C5: variants seen among roughly 807,000 people sequenced by gnomAD.
C5 encodes the protein complement C5, also known as C3 and PZP-like alpha-2-macroglobulin domain-containing protein 4.
C5 carries 140 observed loss-of-function variants against 218.8 expected under a neutral mutation model. That is an observed-to-expected ratio of 0.64 (90% CI 0.56 to 0.74). The LOEUF (loss-of-function observed/expected upper bound fraction) is 0.74. Among genes scored for constraint, C5 ranks in the 30% least tolerant of loss-of-function variants. The pLI is 0.00. For synonymous variants in C5, 614 were observed against 682.3 expected (o/e 0.90, Z 1.56); for missense variants, 1,700 against 1,969.6 (o/e 0.86, Z 2.59).
the C5 span, among the ~76,000 whole-genome samples, chr9:121,061,534 C>A: frequency 3.3e-5 from 5 of 152,278 alleles, no homozygotes; most frequent in South Asian, 4.1e-4. Context: ...GGCTACAGAG[C>A]AAGACTGTCT....
the C5 span, among the ~76,000 whole-genome samples, chr9:121,069,291 C>A: frequency 2.3e-3 from 349 of 152,180 alleles, 4 homozygotes; most frequent in African/African-American, 8.1e-3. Flanking sequence ...GGAACTCAAA[C>A]ATCTCAACAA....
upstream of C5, chr9:121,050,425 G>A (rs2047663498): frequency 3.2e-6 from 2 of 626,534 alleles, no homozygotes; most frequent in African/African-American, 3.7e-5. Flanking sequence ...AATACAGATA[G>A]GGAGTACTTT....
intron 1 of C5, among the ~76,000 whole-genome samples, chr9:121,049,899 A>G (rs752986466): frequency 1.2e-4 from 18 of 152,172 alleles, no homozygotes; most frequent in Non-Finnish European, 2.5e-4. Flanking sequence ...AAATGTCAAG[A>G]AAGTTTATTA....
At position 121,006,917 on chromosome 9, in the gene C5, G is replaced by A; in HGVS notation, c.2409C>T (p.Gly803=). The change falls in exon 19 of 41, where the codon GGC becomes GGT. Residue 803 remains glycine (G), a synonymous_variant. Transcript: ENST00000223642. ...SLTTWEIQGV[G]ISNTGICVAD... Reference sequence around the variant, plus strand: ...AAACCTGCTTACCAGTGTTTGAAATGCCAACGCCTTGAATTTCCCAGGTGG... The same window carrying A: ...AAACCTGCTTACCAGTGTTTGAAATACCAACGCCTTGAATTTCCCAGGTGG... 6.2e-7 allele frequency: 1 copy of A among 1,607,698 alleles called. No homozygotes were observed. The highest frequency in any genetic ancestry group is 1.1e-5 in the South Asian group (1 of 90,880).
At chr9:120,978,720 C>T (rs116464517) in intron 28 of C5, among the ~76,000 whole-genome samples, 234 of 152,294 alleles carry the variant, frequency 1.5e-3, no homozygotes, top group African/African-American at 4.9e-3. Context: ...TTTTTTGTCT[C>T]TTGACCTATA....
At chr9:121,065,467 T>G in the C5 span, among the ~76,000 whole-genome samples, 1 of 140,508 alleles carries the variant, frequency 7.1e-6, no homozygotes, top group African/African-American at 2.5e-5. Flanking sequence ...CTTTTTTTGT[T>G]TTGTTTTGTT....
At position 120,952,747 on chromosome 9, in the gene C5, C is replaced by T; in HGVS notation, c.5023G>A (p.Gly1675Arg). 1 of 1,612,804 alleles carries T rather than the reference C, an allele frequency of 6.2e-7. No homozygotes were observed. The highest frequency in any genetic ancestry group is 8.5e-7 in the Non-Finnish European group (1 of 1,179,524). Residue 1675 changes from glycine to arginine, a missense_variant, in exon 41 of 41, where the codon GGA becomes AGA. By Grantham distance (125) the Gly-to-Arg change is moderately radical. Coordinates refer to ENST00000223642, the MANE Select transcript of C5 (RefSeq NM_001735.3). ...DEFAEDIFLN[G>R]C ...GCTGAACTTCAGGAATTTTAGCATC[C>T]ATTTAAAAAGATATCTTCGGCAAAT...
chr9:121,060,900 G>C, the C5 span, among the ~76,000 whole-genome samples: 1 of 152,116 alleles, frequency 6.6e-6, no homozygotes, highest in Admixed American at 6.6e-5. Flanking sequence ...AAAAATCCCA[G>C]AATCAGGTCG....
chr9:121,011,825 A>T lies in C5; in HGVS notation c.2257+2048T>A, dbSNP rs148933300. ...AGAATGAGATCCTGTCATTTGCAAC[A>T]ATATGGATGGAACTGGAGGTCATTA... On this transcript the variant is annotated intron_variant, in intron 17 of 40. Transcript: ENST00000223642. Among the ~76,000 whole-genome samples the T allele has an allele frequency of 8.5e-3, 1,291 of 152,354 alleles. 24 individuals are homozygous for T. Among genetic ancestry groups the T allele is most frequent in the African/African-American group, 0.029 (1,222 of 41,584 alleles).
At chr9:120,956,285 C>T (rs41313623) in intron 39 of C5, among the ~76,000 whole-genome samples, 8,739 of 151,584 alleles carry the variant, frequency 0.058, 300 homozygotes, top group Middle Eastern at 0.092. Flanking sequence ...CAGAGTGAAA[C>T]GTCATTTCAA....
chr9:120,973,980 A>T (rs567952909), intron 30 of C5, among the ~76,000 whole-genome samples: 1 of 152,158 alleles, frequency 6.6e-6, no homozygotes, highest in Non-Finnish European at 1.5e-5. Flanking sequence ...TCTCAAAAAA[A>T]AAAAATTATT....
At chr9:121,025,864 A>T (rs1259727230) in intron 8 of C5, 1 of 341,698 alleles carries the variant, frequency 2.9e-6, no homozygotes, top group Non-Finnish European at 5.5e-6. Context: ...CTGCGTCATC[A>T]TTCATCTTTA....
chr9:120,962,183 C>A (rs932091983), intron 36 of C5, among the ~76,000 whole-genome samples: 2 of 152,124 alleles, frequency 1.3e-5, no homozygotes, highest in East Asian at 1.9e-4. Flanking sequence ...CCCGACGCTG[C>A]GTTAGATACT....
At chr9:121,048,926 AT>A (rs1308498289) in intron 1 of C5, among the ~76,000 whole-genome samples, 2 of 152,050 alleles carry the variant, frequency 1.3e-5, no homozygotes, top group African/African-American at 4.8e-5. Context: ...CCCCATAATT[AT>A]TTTTTAATTC....
intron 17 of C5, among the ~76,000 whole-genome samples, chr9:121,012,882 C>G (rs972856411): frequency 1.3e-5 from 2 of 152,088 alleles, no homozygotes; most frequent in Non-Finnish European, 1.5e-5. Context: ...TATCTAAACA[C>G]AGGAAAGGTA....
At chr9:121,067,585 A>T in the C5 span, among the ~76,000 whole-genome samples, 1 of 149,340 alleles carries the variant, frequency 6.7e-6, no homozygotes, top group Non-Finnish European at 1.5e-5. Context: ...AAAAAAAAAG[A>T]GGAAAATTCC....
intron 30 of C5, among the ~76,000 whole-genome samples, chr9:120,973,726 C>T (rs1015386213): frequency 3.9e-5 from 6 of 152,124 alleles, no homozygotes; most frequent in African/African-American, 1.4e-4. Flanking sequence ...CACCTGTAAT[C>T]CCAGCACTTT....
At chr9:120,963,562 A>G in intron 34 of C5, 74 bp downstream of exon 34, 1 of 1,125,182 alleles carries the variant, frequency 8.9e-7, no homozygotes, top group East Asian at 2.5e-5. Context: ...AATGAAAGAA[A>G]GTAAAATTGT....
chr9:120,965,368 A>C (rs1436729607), intron 33 of C5, among the ~76,000 whole-genome samples: 7 of 151,800 alleles, frequency 4.6e-5, no homozygotes, highest in African/African-American at 1.7e-4. Context: ...AAAAATACAA[A>C]AATTAGCTGG....
Sources: allele counts gnomAD v4.1 joint callset (sites outside exome capture counted in the v4.1 genomes callset), GRCh38; gene constraint gnomAD v4.1.1; transcripts MANE v1.5; gene names NCBI Gene and HGNC (gene_info 2026-07-23, HGNC 2026-07-21).